The following FAM227B variants were observed in gnomAD, a reference collection of about 807,000 sequenced individuals.
FAM227B encodes family with sequence similarity 227 member B, also known as protein FAM227B.
A neutral mutation model predicts 73.8 loss-of-function variants in FAM227B; 88 were observed. That is an observed-to-expected ratio of 1.19 (90% CI 1.00 to 1.42). The LOEUF (loss-of-function observed/expected upper bound fraction) is 1.42. Ranked by LOEUF, FAM227B falls within the 40% of genes most tolerant of loss-of-function variation. FAM227B has a pLI of 0.00. For synonymous variants in FAM227B, 210 were observed against 190.5 expected, an observed-to-expected ratio of 1.10 and a Z score of -0.84; for missense variants, 632 against 590.9, an observed-to-expected ratio of 1.07 and a Z score of -0.72.
At chr15:49,618,045 T>C (rs765409874) in intron 1 of FAM227B, among the ~76,000 whole-genome samples, 10 of 152,084 alleles carry the variant, frequency 6.6e-5, no homozygotes, top group Non-Finnish European at 1.2e-4. Context: ...TAAGAACTCT[T>C]TGATTATGTC....
At chr15:49,427,007 CT>C (rs1005010296) in intron 11 of FAM227B, among the ~76,000 whole-genome samples, 1 of 151,734 alleles carries the variant, frequency 6.6e-6, no homozygotes, top group South Asian at 2.1e-4. Flanking sequence ...ATAAGCCACT[CT>C]TTTTTTTCTA....
At chr15:49,611,967 C>T (rs1210042265) in intron 2 of FAM227B, among the ~76,000 whole-genome samples, 3 of 151,738 alleles carry the variant, frequency 2.0e-5, no homozygotes, top group Non-Finnish European at 2.9e-5. Flanking sequence ...AAGTTTTCTC[C>T]GTGGTAACAT....
chr15:49,566,145 A>C (rs2074638841), intron 9 of FAM227B, among the ~76,000 whole-genome samples: 1 of 152,246 alleles, frequency 6.6e-6, no homozygotes, highest in African/African-American at 2.4e-5. Flanking sequence ...ATTAGTGCTC[A>C]AATTTGCTGG....
chr15:49,605,906 T>C (rs77017465), intron 3 of FAM227B, among the ~76,000 whole-genome samples: 4,351 of 152,190 alleles, frequency 0.029, 215 homozygotes, highest in African/African-American at 0.1. Context: ...AGACTGGGTC[T>C]ACAGGTGCTG....
At chr15:49,330,766 A>G (rs2038555587) in intron 15 of FAM227B, 1 of 151,504 alleles carries the variant, frequency 6.6e-6, no homozygotes, top group Non-Finnish European at 1.5e-5. Context: ...AAAGAGAGAA[A>G]GAATGAATAT....
chr15:49,566,224 TATA>T (rs2074645745), intron 9 of FAM227B, among the ~76,000 whole-genome samples: 1 of 152,166 alleles, frequency 6.6e-6, no homozygotes, highest in Non-Finnish European at 1.5e-5. Flanking sequence ...GGAAAAACTC[TATA>T]ATATGTTGAC....
At chr15:49,579,087 G>A (rs1398029168) in intron 5 of FAM227B, among the ~76,000 whole-genome samples, 1 of 152,122 alleles carries the variant, frequency 6.6e-6, no homozygotes, top group Non-Finnish European at 1.5e-5. Context: ...TCAGAGAAAT[G>A]CAAGTCAAAC....
intron 12 of FAM227B, 116 bp downstream of exon 12, chr15:49,371,186 C>A: frequency 2.0e-6 from 1 of 505,514 alleles, no homozygotes; most frequent in Non-Finnish European, 3.5e-6. Flanking sequence ...AATTCTTTTC[C>A]AAAATATATG....
chr15:49,521,527 G>C (rs901061290), intron 10 of FAM227B, among the ~76,000 whole-genome samples: 1 of 150,940 alleles, frequency 6.6e-6, no homozygotes, highest in Non-Finnish European at 1.5e-5. Context: ...CAAACTTGGA[G>C]ACAGCCTTTC....
At chr15:49,585,763 A>C (rs193152308) in intron 5 of FAM227B, among the ~76,000 whole-genome samples, 1 of 152,328 alleles carries the variant, frequency 6.6e-6, no homozygotes, top group African/African-American at 2.4e-5. Context: ...TAATGTGTGC[A>C]ACACACCAAC....
At chr15:49,438,413 C>T (rs1196468000) in intron 11 of FAM227B, among the ~76,000 whole-genome samples, 1 of 151,682 alleles carries the variant, frequency 6.6e-6, no homozygotes, top group East Asian at 1.9e-4. Context: ...TGCTTTGTTC[C>T]ACCCAGTCTT....
chr15:49,606,198 T>C (rs530643515), intron 3 of FAM227B: 11 of 152,296 alleles, frequency 7.2e-5, no homozygotes, highest in Non-Finnish European at 7.3e-5. Flanking sequence ...CTTGCAAGGA[T>C]AGTTGTTCAA....
At chr15:49,385,935 T>A (rs1179522611) in intron 11 of FAM227B, among the ~76,000 whole-genome samples, 1 of 151,806 alleles carries the variant, frequency 6.6e-6, no homozygotes, top group Non-Finnish European at 1.5e-5. Flanking sequence ...AAGGATCAAT[T>A]CAACAAGAAG....
At chr15:49,350,710 A>AT (rs1311751335) in intron 13 of FAM227B, among the ~76,000 whole-genome samples, 1 of 152,084 alleles carries the variant, frequency 6.6e-6, no homozygotes, top group Non-Finnish European at 1.5e-5. Flanking sequence ...TTCCTGCACC[A>AT]TTTGCCTTTT....
intron 4 of FAM227B, among the ~76,000 whole-genome samples, 194 bp from the exon 5 acceptor site, chr15:49,588,277 T>C (rs2076294085): frequency 6.6e-6 from 1 of 151,700 alleles, no homozygotes; most frequent in Admixed American, 6.6e-5. Flanking sequence ...AAAGTATATC[T>C]TCTGTTTCCT....
intron 9 of FAM227B, among the ~76,000 whole-genome samples, chr15:49,555,405 T>C (rs996566899): frequency 9.8e-5 from 15 of 152,362 alleles, no homozygotes; most frequent in African/African-American, 2.9e-4. Flanking sequence ...TGTAGGGCTT[T>C]TGCTGGAAGG....
chr15:49,439,955 T>C (rs535296292), intron 11 of FAM227B, among the ~76,000 whole-genome samples: 27 of 151,888 alleles, frequency 1.8e-4, no homozygotes, highest in Non-Finnish European at 3.4e-4. Context: ...GGAAAAAATA[T>C]GCACAAATAT....
At position 49,456,951 on chromosome 15, in the gene FAM227B, G is replaced by A. The variant is rs191667905; in HGVS notation, c.1012+51260C>T. Among the ~76,000 whole-genome samples, 466 of 152,180 alleles carry A rather than the reference G, an allele frequency of 3.1e-3. 6 individuals are homozygous for A. Among genetic ancestry groups the A allele is most frequent in the African/African-American group, 0.011 (445 of 41,568 alleles). On this transcript the variant is annotated intron_variant, in intron 11 of 15. Coordinates refer to ENST00000299338, the MANE Select transcript of FAM227B (RefSeq NM_152647.3). ...TAAAAAGATACCTTCATATTATAGA[G>A]AAGGGAACTTAGAATTGAAAAAGTT...
intron 13 of FAM227B, among the ~76,000 whole-genome samples, chr15:49,349,197 A>G (rs1567121374): frequency 6.6e-6 from 1 of 152,156 alleles, no homozygotes; most frequent in African/African-American, 2.4e-5. Flanking sequence ...AGATATTACA[A>G]TTTTTTAATT....
Sources: allele counts gnomAD v4.1 joint callset (sites outside exome capture counted in the v4.1 genomes callset), GRCh38; gene constraint gnomAD v4.1.1; transcripts MANE v1.5; gene names NCBI Gene and HGNC (gene_info 2026-07-23, HGNC 2026-07-21).